Variants in PAGE2B observed in about 807,000 individuals in gnomAD.
The protein encoded by PAGE2B is putative G antigen family E member 3.
A neutral mutation model predicts 7.6 loss-of-function variants in PAGE2B; 5 were observed. The observed-to-expected ratio is 0.66, with a 90% CI of 0.34 to 1.38. The LOEUF (loss-of-function observed/expected upper bound fraction) is 1.38, where lower values mean the gene tolerates loss of function less well. Ranked by LOEUF, PAGE2B falls within the 40% of genes most tolerant of loss-of-function variation. The pLI is 0.04. For synonymous variants in PAGE2B, 29 were observed against 26.7 expected, an observed-to-expected ratio of 1.09 and a Z score of -0.27; for missense variants, 70 against 78.4, an observed-to-expected ratio of 0.89 and a Z score of 0.41.
At chrX:55,061,748 C>T in the PAGE2B span, among the ~76,000 whole-genome samples, 1 of 111,350 alleles carries the variant, frequency 9.0e-6, no homozygotes, top group Non-Finnish European at 1.9e-5. Context: ...GCCACTTCAC[C>T]ACTACACTTC....
the PAGE2B span, among the ~76,000 whole-genome samples, chrX:55,033,313 C>T: frequency 9.0e-6 from 1 of 111,482 alleles, no homozygotes; most frequent in Non-Finnish European, 1.9e-5. Flanking sequence ...GTGGGACTTC[C>T]CAGGTCATTG....
the PAGE2B span, among the ~76,000 whole-genome samples, chrX:55,036,670 C>T: frequency 2.7e-5 from 3 of 110,464 alleles, no homozygotes; most frequent in African/African-American, 1.0e-4. Flanking sequence ...GCTACAGTAA[C>T]CAAAACAGCA....
the PAGE2B span, among the ~76,000 whole-genome samples, chrX:55,048,350 T>C: frequency 8.9e-6 from 1 of 111,882 alleles, no homozygotes; most frequent in African/African-American, 3.2e-5. Context: ...AGAAAGTCAT[T>C]GGTAGCTTGA....
chrX:55,039,274 C>A, the PAGE2B span, among the ~76,000 whole-genome samples: 1 of 110,953 alleles, frequency 9.0e-6, no homozygotes, highest in Non-Finnish European at 1.9e-5. Context: ...ACAAGAATGA[C>A]CCAATTCATA....
the PAGE2B span, among the ~76,000 whole-genome samples, chrX:55,062,636 G>T: frequency 9.0e-6 from 1 of 111,687 alleles, no homozygotes; most frequent in African/African-American, 3.2e-5. Flanking sequence ...TGCTTTGGTT[G>T]CCTGTGCTTG....
upstream of PAGE2B, among the ~76,000 whole-genome samples, chrX:55,071,295 CCTT>C (rs1003843958): frequency 9.9e-5 from 11 of 110,939 alleles, no homozygotes; most frequent in Non-Finnish European, 3.8e-5. Flanking sequence ...TTTCGTTTCT[CCTT>C]CTCTTATGAG....
the PAGE2B span, among the ~76,000 whole-genome samples, chrX:55,043,966 C>G: frequency 1.0e-5 from 1 of 96,098 alleles, no homozygotes; most frequent in Non-Finnish European, 2.0e-5. Flanking sequence ...AACTCTGTCT[C>G]TAAATAATAA....
At chrX:55,065,176 G>A in the PAGE2B span, among the ~76,000 whole-genome samples, 1 of 111,164 alleles carries the variant, frequency 9.0e-6, no homozygotes, top group Non-Finnish European at 1.9e-5. Context: ...ATTGTATTGT[G>A]GTCTATCTCT....
chrX:55,051,575 A>C, the PAGE2B span, among the ~76,000 whole-genome samples: 1 of 111,616 alleles, frequency 9.0e-6, no homozygotes, highest in Non-Finnish European at 1.9e-5. Flanking sequence ...TCCATCACTG[A>C]TACCCTTTCT....
In PAGE2B at chrX:55,075,125, A is replaced by T. The variant is rs1251625087; in HGVS notation, c.-9+11A>T. 1.7e-5 allele frequency: 2 copies of T among 116,693 alleles called. No individual in the cohort carries two copies. Among genetic ancestry groups the T allele is most frequent in the African/African-American group, 6.4e-5 (2 of 31,114 alleles). 9.6% of individuals were successfully genotyped at this position (116,693 alleles called of 1,213,427 possible). On this transcript the variant is annotated intron_variant, in intron 1 of 4. Transcript: ENST00000374971. Reference sequence around the variant, plus strand: ...ACCGAGACTCAGCCGGTAGGTCCGCAGAGCGGTCTTCCTGGGAATTTAGTT... The same window carrying T: ...ACCGAGACTCAGCCGGTAGGTCCGCTGAGCGGTCTTCCTGGGAATTTAGTT...
the PAGE2B span, among the ~76,000 whole-genome samples, chrX:55,066,133 C>G: frequency 9.0e-6 from 1 of 111,590 alleles, no homozygotes; most frequent in Non-Finnish European, 1.9e-5. Context: ...TCTTGTTGCC[C>G]AGGCTGGAGT....
chrX:55,042,297 C>A, the PAGE2B span, among the ~76,000 whole-genome samples: 1 of 110,569 alleles, frequency 9.0e-6, no homozygotes, highest in East Asian at 2.9e-4. Context: ...AATGCAACCC[C>A]TTTTACAACA....
chrX:55,035,063 C>T, the PAGE2B span, among the ~76,000 whole-genome samples: 317 of 110,164 alleles, frequency 2.9e-3, 1 homozygote, highest in African/African-American at 0.01. Context: ...AGATGATACC[C>T]ACCCAGGTTA....
the PAGE2B span, chrX:55,055,194 T>TA: frequency 9.2e-6 from 1 of 108,850 alleles, no homozygotes. Flanking sequence ...TCATACCTAC[T>TA]AAAAATACAA....
At chrX:55,045,089 G>A in the PAGE2B span, 2 of 112,147 alleles carry the variant, frequency 1.8e-5, no homozygotes, top group African/African-American at 6.5e-5. Context: ...CGGAGAATAA[G>A]AATTGAATTC....
the PAGE2B span, among the ~76,000 whole-genome samples, chrX:55,056,019 G>A: frequency 9.0e-6 from 1 of 111,337 alleles, no homozygotes; most frequent in Non-Finnish European, 1.9e-5. Flanking sequence ...CAGGGTTTCA[G>A]TACCAGTGTA....
chrX:55,038,880 C>T, the PAGE2B span, among the ~76,000 whole-genome samples: 1 of 111,705 alleles, frequency 9.0e-6, no homozygotes, highest in Admixed American at 9.6e-5. Flanking sequence ...AGAGACAAAT[C>T]TCTGAGATTA....
At chrX:55,069,933 TTTC>T in the PAGE2B span, among the ~76,000 whole-genome samples, 1 of 112,028 alleles carries the variant, frequency 8.9e-6, no homozygotes, top group Non-Finnish European at 1.9e-5. Flanking sequence ...TCTTCTCTCT[TTTC>T]TTCTTTATCA....
the PAGE2B span, among the ~76,000 whole-genome samples, chrX:55,035,889 G>A: frequency 9.0e-6 from 1 of 111,706 alleles, no homozygotes; most frequent in African/African-American, 3.3e-5. Flanking sequence ...ATTACCTTGG[G>A]CAGTATGGCC....
Sources: allele counts gnomAD v4.1 joint callset (sites outside exome capture counted in the v4.1 genomes callset), GRCh38; gene constraint gnomAD v4.1.1; transcripts MANE v1.5; gene names NCBI Gene and HGNC (gene_info 2026-07-23, HGNC 2026-07-21).